SHC2: variants seen among roughly 807,000 people sequenced by gnomAD.
SHC2 encodes the protein SHC adaptor protein 2.
SHC2 carries 62 observed loss-of-function variants against 60.6 expected under a neutral mutation model. The ratio of observed to expected loss-of-function variants is 1.02; its 90% CI spans 0.83 to 1.26. The LOEUF is 1.26. Among genes scored for constraint, SHC2 ranks in the 50% most tolerant of loss-of-function variants. SHC2 has a pLI of 0.00. For synonymous variants in SHC2, 375 were observed against 372.4 expected (o/e 1.01, Z -0.08); for missense variants, 873 against 822.2 (o/e 1.06, Z -0.76).
intron 9 of SHC2, among the ~76,000 whole-genome samples, chr19:426,895 CG>C (rs1478645723): frequency 2.6e-5 from 4 of 151,882 alleles, no homozygotes; most frequent in Admixed American, 2.6e-4. Context: ...GAGACGCAGG[CG>C]GGTGGAGGAA....
intron 5 of SHC2, 23 bp from the exon 6 acceptor site, chr19:436,454 T>C: frequency 6.2e-7 from 1 of 1,602,338 alleles, no homozygotes. Context: ...AGGGGCCAGC[T>C]GGACCTGCCT....
intron 1 of SHC2, among the ~76,000 whole-genome samples, chr19:448,890 C>T (rs761992180): frequency 1.3e-5 from 2 of 151,998 alleles, no homozygotes; most frequent in African/African-American, 2.4e-5. Context: ...AAGTGGCTCA[C>T]GCCTCTAATC....
intron 1 of SHC2, among the ~76,000 whole-genome samples, chr19:450,337 A>G (rs893726832): frequency 6.6e-6 from 1 of 152,150 alleles, no homozygotes; most frequent in Admixed American, 6.5e-5. Flanking sequence ...TTGCTTTTTT[A>G]TTGTGGTAAA....
rs190195472 is a variant in SHC2, at chr19:440,749, G to A, written c.539+113C>T. On this transcript the variant is annotated intron_variant, in intron 2 of 12. Coordinates refer to ENST00000264554, the MANE Select transcript of SHC2 (RefSeq NM_012435.3). The surrounding 1 kb of genome is among the most constrained non-coding windows in gnomAD (Gnocchi z 7.0). ...GGGAGGTGGGGGGCACCGAGGCTGCGTCCTGGGACCCCAGCGCGGCTGTCG... is the reference window on the plus strand; with the variant it reads ...GGGAGGTGGGGGGCACCGAGGCTGCATCCTGGGACCCCAGCGCGGCTGTCG... 1.8e-4 allele frequency: 165 copies of A among 900,584 alleles called. No individual in the cohort carries two copies. The African/African-American group carries it at 2.0e-3, about 11-fold the overall frequency. 55.8% of individuals were successfully genotyped at this position (900,584 alleles called of 1,614,324 possible). A position where few individuals can be genotyped will look rare whatever the true frequency, so the allele number is the denominator to read the frequency against.
chr19:446,326 G>T lies in SHC2; in HGVS notation c.469-5394C>A, dbSNP rs576588809. On this transcript the variant is annotated intron_variant, in intron 1 of 12. Transcript: ENST00000264554. This position sits in a 1 kb window ranked among gnomAD's most constrained non-coding sequence, Gnocchi z 5.4. The stretch of plus-strand genomic sequence containing the variant: ...TTGTTTTTGGGGTTTTTGTTTGTTT[G>T]TTTGAGACGGAGTCTTGCTCTGTCG... 1.3e-5 allele frequency among the ~76,000 whole-genome samples: 2 copies of T among 152,058 alleles called. No homozygotes were observed. The highest frequency in any genetic ancestry group is 2.1e-4 in the South Asian group (1 of 4,808).
In SHC2 at chr19:441,256, C is replaced by A; in HGVS notation, c.469-324G>T. 1 of 768,658 alleles carries A rather than the reference C, an allele frequency of 1.3e-6. No individual in the cohort carries two copies. The highest frequency in any genetic ancestry group is 1.9e-5 in the African/African-American group (1 of 51,514). The allele number at this position is 768,658 out of a possible 1,614,324, so 47.6% of individuals were successfully genotyped here. A position where few individuals can be genotyped will look rare whatever the true frequency, so the allele number is the denominator to read the frequency against. Reference sequence around the variant, plus strand: ...TCTTTCTGTTCCACCAGCACCGAAGCCGAGGAGCGTGGGGATGGTGCGATC... The same window carrying A: ...TCTTTCTGTTCCACCAGCACCGAAGACGAGGAGCGTGGGGATGGTGCGATC... On this transcript the variant is annotated intron_variant, in intron 1 of 12. Coordinates refer to ENST00000264554, the MANE Select transcript of SHC2 (RefSeq NM_012435.3). The surrounding 1 kb of genome is among the most constrained non-coding windows in gnomAD (Gnocchi z 4.9).
At chr19:430,592 G>A (rs1439706758) in intron 9 of SHC2, 92 bp downstream of exon 9, 5 of 939,712 alleles carry the variant, frequency 5.3e-6, no homozygotes, top group Non-Finnish European at 8.2e-6. Flanking sequence ...AATAAGCAGA[G>A]AGGAGAAAGA....
intron 10 of SHC2, among the ~76,000 whole-genome samples, chr19:423,833 C>T (rs1012813806): frequency 1.3e-5 from 2 of 152,190 alleles, no homozygotes; most frequent in Non-Finnish European, 2.9e-5. Flanking sequence ...CGAGAAGACA[C>T]CCTTCCTCAA....
At position 440,639 on chromosome 19, in the gene SHC2, T is replaced by G. The variant is rs2075834002; in HGVS notation, c.539+223A>C. On this transcript the variant is annotated intron_variant, in intron 2 of 12. Coordinates refer to ENST00000264554, the MANE Select transcript of SHC2 (RefSeq NM_012435.3). This position sits in a 1 kb window ranked among gnomAD's most constrained non-coding sequence, Gnocchi z 7.0. ...ACCCTGTGAGCGACCGGCGTGTTCT[T>G]TCCATCTTAGAGGATCGAGGTCTGC... is the stretch of plus-strand genomic sequence containing the variant. 6.6e-6 allele frequency among the ~76,000 whole-genome samples: 1 copy of G among 152,170 alleles called. No homozygotes were observed. Among genetic ancestry groups the G allele is most frequent in the Non-Finnish European group, 1.5e-5 (1 of 68,020 alleles).
At chr19:452,135 T>C (rs1349830632) in intron 1 of SHC2, among the ~76,000 whole-genome samples, 1 of 152,238 alleles carries the variant, frequency 6.6e-6, no homozygotes, top group Non-Finnish European at 1.5e-5. Flanking sequence ...CCATTGCGTT[T>C]CTCCGTTTCA....
intron 1 of SHC2, among the ~76,000 whole-genome samples, chr19:458,393 G>A (rs1331436125): frequency 7.2e-6 from 1 of 139,150 alleles, no homozygotes; most frequent in African/African-American, 2.7e-5. Flanking sequence ...GCGGAATCGG[G>A]TTCCGGGGAG....
rs543867234 is a variant in SHC2, at chr19:455,136, T to C, written c.468+5393A>G. ...CAGGTTGGCATGAATTTCGGTGAAA[T>C]AACAATGACCTGGACCCATGACAAA... On this transcript the variant is annotated intron_variant, in intron 1 of 12. Coordinates refer to ENST00000264554, the MANE Select transcript of SHC2 (RefSeq NM_012435.3). 2.0e-4 allele frequency among the ~76,000 whole-genome samples: 31 copies of C among 152,300 alleles called. No homozygotes were observed. In the South Asian group the frequency reaches 6.2e-3, roughly 31 times the overall value.
At position 460,541 on chromosome 19, in the gene SHC2, G is replaced by T; in HGVS notation, c.456C>A (p.Ser152=). The change falls in exon 1 of 13, where the codon TCC becomes TCA. Residue 152 remains serine (S), a synonymous_variant. Coordinates refer to ENST00000264554, the MANE Select transcript of SHC2 (RefSeq NM_012435.3). Reference sequence around the variant, plus strand: ...GGGGGGGACTCACCCGCACGACGTAGGAGACCCCGGGCCCCAGGACCCTGG... The same window carrying T: ...GGGGGGGACTCACCCGCACGACGTATGAGACCCCGGGCCCCAGGACCCTGG... ...PDARVLGPGV[S]YVVRYMGCIE... 7.2e-7 allele frequency: 1 copy of T among 1,394,768 alleles called. No individual in the cohort carries two copies. The highest frequency in any genetic ancestry group is 1.5e-5 in the South Asian group (1 of 66,762). The allele number at this position is 1,394,768 out of a possible 1,614,324, so 86.4% of individuals were successfully genotyped here. A position where few individuals can be genotyped will look rare whatever the true frequency, so the allele number is the denominator to read the frequency against.
At chr19:435,580 T>C (rs1013979484) in intron 7 of SHC2, among the ~76,000 whole-genome samples, 4 of 152,204 alleles carry the variant, frequency 2.6e-5, no homozygotes, top group Non-Finnish European at 4.4e-5. Flanking sequence ...TAATGATGAA[T>C]AGAGACTTAA....
chr19:438,158 AT>A lies in SHC2; in HGVS notation c.720+559del, dbSNP rs1296288212. On this transcript the variant is annotated intron_variant, in intron 4 of 12. Coordinates refer to ENST00000264554, the MANE Select transcript of SHC2 (RefSeq NM_012435.3). The surrounding 1 kb of genome is among the most constrained non-coding windows in gnomAD (Gnocchi z 5.0). ...ACCACCACACCCGGCTAATCTTTGT[AT>A]TTTTTGTAGAGTCAGCCATGTTGGC... is the stretch of plus-strand genomic sequence containing the variant. Among the ~76,000 whole-genome samples the A allele has an allele frequency of 2.6e-5, 4 of 151,728 alleles. No individual in the cohort carries two copies. Among genetic ancestry groups the A allele is most frequent in the African/African-American group, 9.7e-5 (4 of 41,294 alleles).
In SHC2 at chr19:446,455, C is replaced by T. The variant is rs112675200; in HGVS notation, c.469-5523G>A. ...CCTCCTGAGTAGCTGGGATTACAGG[C>T]GCCCACTACCACGCCCGGCTAATTT... On this transcript the variant is annotated intron_variant, in intron 1 of 12. Coordinates refer to ENST00000264554, the MANE Select transcript of SHC2 (RefSeq NM_012435.3). The surrounding 1 kb of genome is among the most constrained non-coding windows in gnomAD (Gnocchi z 5.4). 0.055 allele frequency among the ~76,000 whole-genome samples: 8,427 copies of T among 152,116 alleles called. 751 individuals are homozygous for T. Among genetic ancestry groups the T allele is most frequent in the African/African-American group, 0.19 (7,912 of 41,454 alleles).
rs1227452153 is a variant in SHC2 at position 445,978 on chromosome 19, C to G, written c.469-5046G>C. On this transcript the variant is annotated intron_variant, in intron 1 of 12. Transcript: ENST00000264554. This position sits in a 1 kb window ranked among gnomAD's most constrained non-coding sequence, Gnocchi z 4.4. ...GCTGAGGCAGGAGAATCATTTGAAC[C>G]CAGGAGGCGGAGGCTGCAGAGAGCC... Among the ~76,000 whole-genome samples, 1 of 152,016 alleles carries G rather than the reference C, an allele frequency of 6.6e-6. No homozygotes were observed. The highest frequency in any genetic ancestry group is 6.6e-5 in the Admixed American group (1 of 15,262).
At chr19:451,251 A>G (rs1022428119) in intron 1 of SHC2, among the ~76,000 whole-genome samples, 2 of 103,630 alleles carry the variant, frequency 1.9e-5, no homozygotes, top group South Asian at 3.1e-4. Flanking sequence ...CAGTGTGTGG[A>G]TGGCCACGCC....
At chr19:430,538 T>G in intron 9 of SHC2, 146 bp downstream of exon 9, 3 of 654,760 alleles carry the variant, frequency 4.6e-6, no homozygotes, top group Non-Finnish European at 2.6e-6. Context: ...GATGAAAATC[T>G]CAGCAGAGTG....
Sources: gnomAD v4.1 joint callset for allele counts (sites outside exome capture counted in the v4.1 genomes callset) on GRCh38, gnomAD v4.1.1 for gene constraint, Gnocchi (gnomAD v3.1) non-coding constraint, MANE v1.5 for transcripts, NCBI Gene and HGNC (gene_info 2026-07-23, HGNC 2026-07-21) for gene names.